Variants in PKNOX2 observed in about 807,000 individuals in gnomAD.
The protein encoded by PKNOX2 is homeobox protein PKNOX2.
In PKNOX2, 14 loss-of-function variants were observed where a neutral mutation model predicts 53.1. The ratio of observed to expected loss-of-function variants is 0.26; its 90% CI spans 0.17 to 0.41. The LOEUF is 0.41. Ranked by LOEUF, PKNOX2 falls within the 10% of genes least tolerant of loss-of-function variation. The pLI, the probability that PKNOX2 is intolerant of heterozygous loss-of-function variation, is 1.00. For missense variants in PKNOX2, 496 were observed against 602.8 expected (o/e 0.82, Z 1.85); for synonymous variants, 257 against 242.8 (o/e 1.06, Z -0.54).
Position 125,431,438 on chromosome 11 carries a change from C to T in PKNOX2, c.*46C>T, listed in dbSNP as rs748346509. 42 of 998,426 alleles carry T rather than the reference C, an allele frequency of 4.2e-5. No homozygotes were observed. The highest frequency in any genetic ancestry group is 8.2e-5 in the African/African-American group (4 of 48,994). The allele number at this position is 998,426 out of a possible 1,614,324, so 61.8% of individuals were successfully genotyped here. A position where few individuals can be genotyped will look rare whatever the true frequency, so the allele number is the denominator to read the frequency against. On this transcript the variant is annotated 3_prime_UTR_variant, in exon 13 of 13. Coordinates refer to ENST00000298282, the MANE Select transcript of PKNOX2 (RefSeq NM_001382323.2). Reference sequence around the variant, plus strand: ...TGATCACTGAGCAGGAGAGGAGTGTCGCCGGGAGGCCTTCAGGGTGGGGGG... The same window carrying T: ...TGATCACTGAGCAGGAGAGGAGTGTTGCCGGGAGGCCTTCAGGGTGGGGGG...
chr11:125,383,653 A>T (rs1006309042), intron 5 of PKNOX2, among the ~76,000 whole-genome samples: 2 of 152,128 alleles, frequency 1.3e-5, no homozygotes, highest in African/African-American at 4.8e-5. Flanking sequence ...TCAGTATGGT[A>T]GTCACTAGCC....
chr11:125,261,631 C>T (rs2135734517), intron 2 of PKNOX2, among the ~76,000 whole-genome samples: 1 of 152,220 alleles, frequency 6.6e-6, no homozygotes, highest in Non-Finnish European at 1.5e-5. Context: ...CCTCATTGGC[C>T]AGAAGCAGGA....
At chr11:125,280,322 T>G (rs1946470712) in intron 2 of PKNOX2, among the ~76,000 whole-genome samples, 1 of 152,148 alleles carries the variant, frequency 6.6e-6, no homozygotes, top group Non-Finnish European at 1.5e-5. Context: ...AAGCTCAGCT[T>G]ATAACCACCC....
At chr11:125,416,415 T>C (rs576783900) in intron 10 of PKNOX2, among the ~76,000 whole-genome samples, 5 of 152,092 alleles carry the variant, frequency 3.3e-5, no homozygotes. Flanking sequence ...ATCCTTTATG[T>C]TTGTCTCATC....
chr11:125,387,391 A>G (rs11220042), intron 6 of PKNOX2, among the ~76,000 whole-genome samples: 6,174 of 152,224 alleles, frequency 0.041, 443 homozygotes, highest in East Asian at 0.27. Context: ...CTTAAGAGGG[A>G]GGAGTTCTGG....
chr11:125,296,696 C>T (rs984808964), intron 2 of PKNOX2, among the ~76,000 whole-genome samples: 3 of 152,094 alleles, frequency 2.0e-5, no homozygotes, highest in South Asian at 2.1e-4. Flanking sequence ...AGTGCAATGG[C>T]GCAATCTTGC....
intron 2 of PKNOX2, among the ~76,000 whole-genome samples, chr11:125,242,612 A>G (rs1327137928): frequency 6.6e-6 from 1 of 150,548 alleles, no homozygotes; most frequent in African/African-American, 2.5e-5. Context: ...CTGGGGATAG[A>G]GCAGCCCAGG....
intron 5 of PKNOX2, among the ~76,000 whole-genome samples, chr11:125,379,099 C>A (rs1011435194): frequency 6.8e-6 from 1 of 146,700 alleles, no homozygotes; most frequent in Non-Finnish European, 1.5e-5. Flanking sequence ...CTCAATCTGT[C>A]GCCCAGGCTG....
At chr11:125,328,492 G>A (rs1477079261) in intron 2 of PKNOX2, among the ~76,000 whole-genome samples, 1 of 150,916 alleles carries the variant, frequency 6.6e-6, no homozygotes, top group African/African-American at 2.5e-5. Flanking sequence ...CTAAATTGAA[G>A]CAATTTGTAC....
intron 1 of PKNOX2, among the ~76,000 whole-genome samples, chr11:125,179,843 G>A (rs1219393782): frequency 6.6e-6 from 1 of 152,180 alleles, no homozygotes; most frequent in Non-Finnish European, 1.5e-5. Context: ...TGGTGGGGGT[G>A]GAGGTAAAAA....
At chr11:125,244,060 G>T (rs905219145) in intron 2 of PKNOX2, among the ~76,000 whole-genome samples, 3 of 152,230 alleles carry the variant, frequency 2.0e-5, no homozygotes, top group Admixed American at 2.0e-4. Context: ...AAGGGTTGGA[G>T]CTTGGTAACT....
intron 1 of PKNOX2, among the ~76,000 whole-genome samples, chr11:125,222,709 CTGTGTATGTGT>C (rs1941314046): frequency 7.9e-6 from 1 of 126,890 alleles, no homozygotes; most frequent in African/African-American, 3.1e-5. Context: ...TGTGTGTGTG[CTGTGTATGTGT>C]GTGTGTATGT....
At chr11:125,258,949 C>G (rs7950902) in intron 2 of PKNOX2, 7,618 of 296,340 alleles carry the variant, frequency 0.026, 542 homozygotes, top group African/African-American at 0.15. Flanking sequence ...ACAGCAAACC[C>G]TAGTTCATCA....
intron 2 of PKNOX2, among the ~76,000 whole-genome samples, chr11:125,329,604 G>A (rs769221352): frequency 6.6e-6 from 1 of 152,222 alleles, no homozygotes; most frequent in African/African-American, 2.4e-5. Context: ...TTCAGAGAAT[G>A]ACAAGCAGCA....
chr11:125,247,223 C>A (rs1442917803), intron 2 of PKNOX2, among the ~76,000 whole-genome samples: 1 of 152,204 alleles, frequency 6.6e-6, no homozygotes, highest in Non-Finnish European at 1.5e-5. Flanking sequence ...TGCTTATCCA[C>A]ATGAGGTCCT....
intron 2 of PKNOX2, among the ~76,000 whole-genome samples, chr11:125,272,252 A>G (rs1448420084): frequency 6.6e-6 from 1 of 152,234 alleles, no homozygotes; most frequent in Non-Finnish European, 1.5e-5. Context: ...CTGTCTCAGC[A>G]TGACTGATCC....
chr11:125,218,546 T>C lies in PKNOX2; in HGVS notation c.-200-16499T>C, dbSNP rs867757660. On this transcript the variant is annotated intron_variant, in intron 1 of 12. Coordinates refer to ENST00000298282, the MANE Select transcript of PKNOX2 (RefSeq NM_001382323.2). Reference sequence around the variant, plus strand: ...TAGGCTGAGCAAAAGCACGGAGGTGTGAGCAAGGCTGGGAGGTGTAGGCAG... The same window carrying C: ...TAGGCTGAGCAAAAGCACGGAGGTGCGAGCAAGGCTGGGAGGTGTAGGCAG... Among the ~76,000 whole-genome samples the C allele has an allele frequency of 3.3e-5, 5 of 152,174 alleles. No individual in the cohort carries two copies. The Middle Eastern group carries it at 0.014, about 414-fold the overall frequency.
chr11:125,248,101 G>T (rs540643502), intron 2 of PKNOX2, among the ~76,000 whole-genome samples: 52 of 152,182 alleles, frequency 3.4e-4, no homozygotes, highest in Non-Finnish European at 6.3e-4. Context: ...CGCTCTGCCT[G>T]GCCTGGCTCT....
At chr11:125,343,478 A>G (rs1591535463) in intron 3 of PKNOX2, among the ~76,000 whole-genome samples, 1 of 152,128 alleles carries the variant, frequency 6.6e-6, no homozygotes, top group Non-Finnish European at 1.5e-5. Flanking sequence ...GGAGATGAGA[A>G]TCTTCATCAA....
Sources: gnomAD v4.1 joint callset for allele counts (sites outside exome capture counted in the v4.1 genomes callset) on GRCh38, gnomAD v4.1.1 for gene constraint, MANE v1.5 for transcripts, NCBI Gene and HGNC (gene_info 2026-07-23, HGNC 2026-07-21) for gene names.